The following SLIT2 variants were observed in gnomAD, a reference collection of about 807,000 sequenced individuals.
SLIT2 encodes slit guidance ligand 2, also known as slit homolog 2 protein.
Under a neutral mutation model 185.7 loss-of-function variants are expected in SLIT2, and 41 were observed. The ratio of observed to expected loss-of-function variants is 0.22; its 90% confidence interval spans 0.17 to 0.29. The LOEUF is 0.29. SLIT2 is among the 10% of genes least tolerant of loss of function. The pLI is 1.00. For missense variants in SLIT2, 1,571 were observed against 1,909.0 expected, an observed-to-expected ratio of 0.82 and a Z score of 3.30; for synonymous variants, 693 against 680.2, an observed-to-expected ratio of 1.02 and a Z score of -0.29.
intron 4 of SLIT2, among the ~76,000 whole-genome samples, chr4:20,332,754 G>T (rs1720179507): frequency 6.6e-6 from 1 of 151,976 alleles, no homozygotes; most frequent in African/African-American, 2.4e-5. Flanking sequence ...TCCTCAGATT[G>T]TTGCATGACT....
At chr4:20,601,409 A>G (rs1728404721) in intron 33 of SLIT2, among the ~76,000 whole-genome samples, 2 of 152,188 alleles carry the variant, frequency 1.3e-5, no homozygotes, top group Non-Finnish European at 2.9e-5. Context: ...TAAACCATAA[A>G]CAATGATGGC....
At position 20,553,965 on chromosome 4, in the gene SLIT2, C is replaced by G; in HGVS notation, c.2722C>G (p.Gln908Glu). The G allele has an allele frequency of 6.3e-7, 1 of 1,587,416 alleles. No homozygotes were observed. Among genetic ancestry groups the G allele is most frequent in the Non-Finnish European group, 8.5e-7 (1 of 1,170,732 alleles). The change falls in exon 26 of 37, where the codon CAA (glutamine) becomes GAA (glutamate). Residue 908 changes from glutamine to glutamate, a missense_variant. By Grantham distance (29) the Gln-to-Glu change is conservative. Transcript: ENST00000504154. Reference sequence around the variant, plus strand: ...AACTCCCTCCAAAAAATTTACCTGTCAAGGTATGGTTTTTAATCATTTGTA... The same window carrying G: ...AACTCCCTCCAAAAAATTTACCTGTGAAGGTATGGTTTTTAATCATTTGTA... ...LTTPSKKFTC[Q>E]GPVDVNILAK...
chr4:20,318,611 G>A (rs1488494359), intron 4 of SLIT2, among the ~76,000 whole-genome samples: 2 of 151,692 alleles, frequency 1.3e-5, no homozygotes, highest in African/African-American at 4.8e-5. Context: ...TAGTGCAAAT[G>A]TCTCAAATAA....
chr4:20,495,708 A>T (rs1718175491), intron 9 of SLIT2, among the ~76,000 whole-genome samples: 1 of 152,138 alleles, frequency 6.6e-6, no homozygotes, highest in South Asian at 2.1e-4. Context: ...AAAACGTGTG[A>T]AACTGCTTGT....
At chr4:20,282,016 G>A (rs147400528) in intron 4 of SLIT2, among the ~76,000 whole-genome samples, 4 of 152,270 alleles carry the variant, frequency 2.6e-5, no homozygotes, top group Non-Finnish European at 5.9e-5. Flanking sequence ...ATTATATTTT[G>A]TGCTTTTCTG....
intron 30 of SLIT2, among the ~76,000 whole-genome samples, chr4:20,594,491 C>A (rs1727816471): frequency 1.3e-5 from 2 of 151,880 alleles, no homozygotes; most frequent in Admixed American, 1.3e-4. Flanking sequence ...TAAATCACAA[C>A]AGGAGAGTGT....
rs1716998681 is a variant in SLIT2 at position 20,484,368 on chromosome 4, T to C, written c.540-1832T>C. 6.6e-6 allele frequency among the ~76,000 whole-genome samples: 1 copy of C among 152,148 alleles called. No individual in the cohort carries two copies. The highest frequency in any genetic ancestry group is 2.1e-4 in the South Asian group (1 of 4,828). ...TTTGAAAAAGACATCTCATTTCACC[T>C]GCACATAGGAAAATGCTAAAAGCTC... On this transcript the variant is annotated intron_variant, in intron 6 of 36. Transcript: ENST00000504154. This position sits in a 1 kb window ranked among gnomAD's most constrained non-coding sequence, Gnocchi z 4.3.
At chr4:20,381,030 G>C (rs938078181) in intron 4 of SLIT2, among the ~76,000 whole-genome samples, 7 of 152,116 alleles carry the variant, frequency 4.6e-5, no homozygotes, top group African/African-American at 1.7e-4. Context: ...TAGGCGGGTG[G>C]ATCACCTGAA....
At chr4:20,312,310 T>G (rs903084327) in intron 4 of SLIT2, among the ~76,000 whole-genome samples, 3 of 152,202 alleles carry the variant, frequency 2.0e-5, no homozygotes, top group Non-Finnish European at 4.4e-5. Flanking sequence ...AATCAAAAAC[T>G]ACCATAAATA....
intron 4 of SLIT2, among the ~76,000 whole-genome samples, chr4:20,424,386 C>T (rs762013744): frequency 6.6e-6 from 1 of 151,970 alleles, no homozygotes; most frequent in Non-Finnish European, 1.5e-5. Context: ...GAAAATACAT[C>T]AAGAAGTTCA....
intron 4 of SLIT2, among the ~76,000 whole-genome samples, chr4:20,426,446 G>T (rs1255352319): frequency 6.6e-6 from 1 of 152,194 alleles, no homozygotes; most frequent in Non-Finnish European, 1.5e-5. Context: ...TTGCAAAATA[G>T]TCATATTTCA....
chr4:20,327,460 A>T (rs1485630241), intron 4 of SLIT2, among the ~76,000 whole-genome samples: 1 of 152,068 alleles, frequency 6.6e-6, no homozygotes, highest in Non-Finnish European at 1.5e-5. Context: ...AAAAATTAAT[A>T]AATGCAGCTT....
chr4:20,332,634 A>G (rs2109204568), intron 4 of SLIT2, among the ~76,000 whole-genome samples: 1 of 152,174 alleles, frequency 6.6e-6, no homozygotes, highest in Non-Finnish European at 1.5e-5. Flanking sequence ...ATGTTGCGCC[A>G]CTGCATTCCA....
At chr4:20,329,424 T>C (rs1719880587) in intron 4 of SLIT2, among the ~76,000 whole-genome samples, 1 of 152,070 alleles carries the variant, frequency 6.6e-6, no homozygotes, top group East Asian at 1.9e-4. Flanking sequence ...CTCATTCTTA[T>C]TAAATAAGGA....
chr4:20,572,237 C>G (rs992947419), intron 29 of SLIT2, among the ~76,000 whole-genome samples: 2 of 152,166 alleles, frequency 1.3e-5, no homozygotes, highest in African/African-American at 4.8e-5. Flanking sequence ...TCCATATACT[C>G]CAGTTATCAT....
intron 5 of SLIT2, among the ~76,000 whole-genome samples, chr4:20,471,793 C>T (rs1381901244): frequency 6.6e-6 from 1 of 152,100 alleles, no homozygotes; most frequent in Non-Finnish European, 1.5e-5. Context: ...ATCTCATTCC[C>T]CTTCCTCCAG....
chr4:20,418,825 A>C (rs921980370), intron 4 of SLIT2, among the ~76,000 whole-genome samples: 10 of 152,180 alleles, frequency 6.6e-5, no homozygotes, highest in African/African-American at 2.2e-4. Context: ...TACACAAATG[A>C]TATCAAATTA....
At chr4:20,325,211 A>G (rs1423805375) in intron 4 of SLIT2, among the ~76,000 whole-genome samples, 1 of 151,742 alleles carries the variant, frequency 6.6e-6, no homozygotes, top group Non-Finnish European at 1.5e-5. Context: ...ATGGCTTTCA[A>G]ACTGCTCTCA....
At chr4:20,449,316 T>C (rs1426373600) in intron 4 of SLIT2, among the ~76,000 whole-genome samples, 1 of 152,188 alleles carries the variant, frequency 6.6e-6, no homozygotes, top group East Asian at 1.9e-4. Flanking sequence ...ATGTTTTAAT[T>C]GAGTTAGATT....
Sources: gnomAD v4.1 joint callset for allele counts (sites outside exome capture counted in the v4.1 genomes callset) on GRCh38, gnomAD v4.1.1 for gene constraint, Gnocchi (gnomAD v3.1) non-coding constraint, MANE v1.5 for transcripts, NCBI Gene and HGNC (gene_info 2026-07-23, HGNC 2026-07-21) for gene names.